SETBP1: variants seen among roughly 807,000 people sequenced by gnomAD.
The protein encoded by SETBP1 is SET binding protein 1, also known as SET-binding protein.
SETBP1 carries 9 observed loss-of-function variants against 101.0 expected under a neutral mutation model. The ratio of observed to expected loss-of-function variants is 0.09; its 90% CI spans 0.05 to 0.16. The LOEUF is 0.16. Ranked by LOEUF, SETBP1 falls within the 10% of genes least tolerant of loss-of-function variation. The probability of loss-of-function intolerance (pLI) is 1.00; values close to 1 mark genes in which losing one functional copy is unlikely to be tolerated. For missense variants in SETBP1, 1,858 were observed against 2,033.8 expected (o/e 0.91, Z 1.66); for synonymous variants, 818 against 788.5 (o/e 1.04, Z -0.63).
At chr18:44,850,355 G>C (rs1484161607) in intron 2 of SETBP1, among the ~76,000 whole-genome samples, 1 of 149,666 alleles carries the variant, frequency 6.7e-6, no homozygotes, top group Non-Finnish European at 1.5e-5. Context: ...GGCCCAGATG[G>C]CTTCTTTTCT....
At chr18:45,040,048 G>A (rs777905117) in intron 5 of SETBP1, among the ~76,000 whole-genome samples, 4 of 152,128 alleles carry the variant, frequency 2.6e-5, no homozygotes, top group Admixed American at 6.5e-5. Flanking sequence ...GGGAGACACC[G>A]AATTACACAA....
At chr18:44,953,443 A>AGGT in intron 4 of SETBP1, 103 bp downstream of exon 4, 1 of 1,042,064 alleles carries the variant, frequency 9.6e-7, no homozygotes, top group Non-Finnish European at 1.5e-6. Context: ...GTTTGCAAAG[A>AGGT]GGTGGGAATC....
chr18:44,680,593 G>T (rs1260365947), upstream of SETBP1, among the ~76,000 whole-genome samples: 10 of 152,184 alleles, frequency 6.6e-5, no homozygotes, highest in Non-Finnish European at 8.8e-5. Context: ...CGGTCCGGGC[G>T]AGGTTGCAGG....
At chr18:44,686,737 A>G (rs2068846826) in intron 1 of SETBP1, among the ~76,000 whole-genome samples, 1 of 152,218 alleles carries the variant, frequency 6.6e-6, no homozygotes, top group Non-Finnish European at 1.5e-5. Context: ...CCCCTTAGAC[A>G]GTGTGAATAA....
At chr18:44,985,736 T>C (rs569628931) in intron 4 of SETBP1, among the ~76,000 whole-genome samples, 27 of 152,350 alleles carry the variant, frequency 1.8e-4, no homozygotes, top group African/African-American at 6.3e-4. Context: ...AATCTGCTTT[T>C]AGGGCTATGA....
intron 2 of SETBP1, among the ~76,000 whole-genome samples, chr18:44,803,435 A>G (rs2071652334): frequency 1.3e-5 from 2 of 152,132 alleles, no homozygotes; most frequent in African/African-American, 4.8e-5. Flanking sequence ...ACAGGATTGC[A>G]TCTGATAGCC....
chr18:45,036,326 C>T (rs1187633210), intron 4 of SETBP1, among the ~76,000 whole-genome samples: 1 of 136,294 alleles, frequency 7.3e-6, no homozygotes, highest in Non-Finnish European at 1.5e-5. Context: ...GAGTGAGACT[C>T]TGTCTCAAAA....
intron 2 of SETBP1, among the ~76,000 whole-genome samples, chr18:44,751,901 A>G (rs112466420): frequency 0.012 from 1,861 of 152,338 alleles, 18 homozygotes; most frequent in Non-Finnish European, 0.017. Context: ...CCTGGCTTAC[A>G]GGCAGCTGCC....
chr18:44,972,732 C>G (rs568285629), intron 4 of SETBP1, among the ~76,000 whole-genome samples: 50 of 152,216 alleles, frequency 3.3e-4, no homozygotes, highest in African/African-American at 1.2e-3. Context: ...ATTTTGTATC[C>G]AGAGACTTTG....
At chr18:45,027,786 T>C (rs2073199213) in intron 4 of SETBP1, among the ~76,000 whole-genome samples, 3 of 152,272 alleles carry the variant, frequency 2.0e-5, no homozygotes, top group Admixed American at 1.3e-4. Context: ...ACAACATAAA[T>C]GCATCATCTT....
intron 4 of SETBP1, among the ~76,000 whole-genome samples, chr18:45,021,946 A>T (rs1377340133): frequency 6.6e-6 from 1 of 152,232 alleles, no homozygotes; most frequent in Non-Finnish European, 1.5e-5. Flanking sequence ...AGAAAAGGAA[A>T]CCAAGGGAAG....
At chr18:44,769,490 AT>A (rs2070829307) in intron 2 of SETBP1, among the ~76,000 whole-genome samples, 1 of 152,216 alleles carries the variant, frequency 6.6e-6, no homozygotes, top group South Asian at 2.1e-4. Context: ...AAAGATACCT[AT>A]TTAGATTGCC....
intron 2 of SETBP1, among the ~76,000 whole-genome samples, chr18:44,841,674 A>G (rs2072620480): frequency 6.6e-6 from 1 of 152,316 alleles, no homozygotes; most frequent in Middle Eastern, 3.4e-3. Flanking sequence ...TGAAATATTT[A>G]AGATCCCATC....
chr18:44,976,293 G>A (rs924231293), intron 4 of SETBP1, among the ~76,000 whole-genome samples: 10 of 152,174 alleles, frequency 6.6e-5, no homozygotes, highest in Non-Finnish European at 1.5e-4. Context: ...TTAACCCTGG[G>A]CTGTTGCAAA....
At chr18:45,023,293 T>C (rs2073104583) in intron 4 of SETBP1, among the ~76,000 whole-genome samples, 1 of 152,202 alleles carries the variant, frequency 6.6e-6, no homozygotes, top group Middle Eastern at 3.2e-3. Context: ...TCTAGTGTGG[T>C]CCCAGGTACA....
chr18:44,735,826 C>T (rs192327100), intron 2 of SETBP1, among the ~76,000 whole-genome samples: 15 of 152,340 alleles, frequency 9.8e-5, no homozygotes, highest in African/African-American at 2.6e-4. Context: ...CTGCTGCTCT[C>T]GTGTTCAAGG....
chr18:44,834,389 G>T (rs1334112548), intron 2 of SETBP1, among the ~76,000 whole-genome samples: 1 of 152,192 alleles, frequency 6.6e-6, no homozygotes. Flanking sequence ...TAATTGCTAA[G>T]TACGTATGAA....
intron 4 of SETBP1, among the ~76,000 whole-genome samples, chr18:44,979,313 C>G (rs2072059887): frequency 6.6e-6 from 1 of 152,166 alleles, no homozygotes; most frequent in Non-Finnish European, 1.5e-5. Flanking sequence ...TGCCCCTAAG[C>G]CTTTCATATT....
At chr18:44,740,826 T>A (rs1210863063) in intron 2 of SETBP1, among the ~76,000 whole-genome samples, 1 of 152,228 alleles carries the variant, frequency 6.6e-6, no homozygotes, top group Non-Finnish European at 1.5e-5. Flanking sequence ...TTGGTTTTAA[T>A]TTAGTGTTTT....
Sources: gnomAD v4.1 joint callset for allele counts (sites outside exome capture counted in the v4.1 genomes callset) on GRCh38, gnomAD v4.1.1 for gene constraint, MANE v1.5 for transcripts, NCBI Gene and HGNC (gene_info 2026-07-23, HGNC 2026-07-21) for gene names.